The following KLHL29 variants were observed in gnomAD, a reference collection of about 807,000 sequenced individuals.
The protein encoded by KLHL29 is kelch-like protein 29.
Under a neutral mutation model 80.4 loss-of-function variants are expected in KLHL29, and 21 were observed. That is an observed-to-expected ratio of 0.26 (90% CI 0.19 to 0.38). The LOEUF (loss-of-function observed/expected upper bound fraction) is 0.38. Among genes scored for constraint, KLHL29 ranks in the 10% least tolerant of loss-of-function variants. The pLI is 1.00. For missense variants in KLHL29, 867 were observed against 1,223.9 expected (o/e 0.71, Z 4.35); for synonymous variants, 511 against 526.8 (o/e 0.97, Z 0.41).
Position 23,696,714 on chromosome 2 carries a change from G to A in KLHL29, c.2105+201G>A, listed in dbSNP as rs1305182631. The A allele has an allele frequency of 3.8e-6, 2 of 520,670 alleles. No individual in the cohort carries two copies. Among genetic ancestry groups the A allele is most frequent in the Non-Finnish European group, 6.7e-6 (2 of 298,382 alleles). 32.3% of individuals were successfully genotyped at this position (520,670 alleles called of 1,614,324 possible). ...GATACAAGCAGATGGGATGACATCT[G>A]TGTCACCTTTGCAGTCGCTGAGATG... On this transcript the variant is annotated intron_variant, in intron 11 of 13. Transcript: ENST00000486442. This position sits in a 1 kb window ranked among gnomAD's most constrained non-coding sequence, Gnocchi z 5.5.
chr2:23,657,065 G>A (rs1221027295), intron 5 of KLHL29, among the ~76,000 whole-genome samples: 2 of 152,170 alleles, frequency 1.3e-5, no homozygotes, highest in Non-Finnish European at 2.9e-5. Context: ...GGGTGGAAAT[G>A]GGGGTTTGGG....
chr2:23,541,785 A>C (rs1050825028), intron 2 of KLHL29, among the ~76,000 whole-genome samples: 82 of 151,214 alleles, frequency 5.4e-4, no homozygotes, highest in African/African-American at 8.1e-4. Flanking sequence ...AAAAAAAAAA[A>C]CCATAAAACT....
Position 23,537,794 on chromosome 2 carries a change from T to C in KLHL29, c.-45-24358T>C, listed in dbSNP as rs1262743859. Reference sequence around the variant, plus strand: ...GGGCAGCTGGCACCACCAAGTCTACTTAGGGATGGAAGGCTGGGTTCTCAA... The same window carrying C: ...GGGCAGCTGGCACCACCAAGTCTACCTAGGGATGGAAGGCTGGGTTCTCAA... On this transcript the variant is annotated intron_variant, in intron 2 of 13. Coordinates refer to ENST00000486442, the MANE Select transcript of KLHL29 (RefSeq NM_052920.2). Among the ~76,000 whole-genome samples the C allele has an allele frequency of 2.0e-5, 3 of 152,132 alleles. No homozygotes were observed. The South Asian group carries it at 6.2e-4, about 32-fold the overall frequency.
Position 23,534,068 on chromosome 2 carries a change from G to T in KLHL29, c.-45-28084G>T, listed in dbSNP as rs182858394. Among the ~76,000 whole-genome samples the T allele has an allele frequency of 1.5e-4, 23 of 152,080 alleles. No individual in the cohort carries two copies. In the East Asian group the frequency reaches 4.3e-3, roughly 28 times the overall value. ...GACCCGCCAATAGTTGAAAGTCCCC[G>T]GTTTCGGGGATGCCTTTCCAAGCAA... On this transcript the variant is annotated intron_variant, in intron 2 of 13. Coordinates refer to ENST00000486442, the MANE Select transcript of KLHL29 (RefSeq NM_052920.2).
At chr2:23,391,230 T>C (rs1240939900) in intron 1 of KLHL29, among the ~76,000 whole-genome samples, 2 of 152,220 alleles carry the variant, frequency 1.3e-5, no homozygotes, top group African/African-American at 4.8e-5. Flanking sequence ...GGGACAGGCT[T>C]TCCTTCCTTT....
chr2:23,529,129 A>G (rs552952217), intron 2 of KLHL29, among the ~76,000 whole-genome samples: 210 of 152,338 alleles, frequency 1.4e-3, no homozygotes, highest in African/African-American at 4.7e-3. Context: ...TTTTTTAGAG[A>G]CAAGTTCTTG....
rs1402853847 is a variant in KLHL29, at chr2:23,695,073, C to T, written c.1543-550C>T. Among the ~76,000 whole-genome samples the T allele has an allele frequency of 3.3e-5, 5 of 152,132 alleles. No homozygotes were observed. Among genetic ancestry groups the T allele is most frequent in the African/African-American group, 1.2e-4 (5 of 41,390 alleles). On this transcript the variant is annotated intron_variant, in intron 8 of 13. Transcript: ENST00000486442. This position sits in a 1 kb window ranked among gnomAD's most constrained non-coding sequence, Gnocchi z 7.6. ...GATTCAAGGGAGCCTGTAAAACCACCTCAGTGCAGGGTGACAGTTTGAGGC... is the reference window on the plus strand; with the variant it reads ...GATTCAAGGGAGCCTGTAAAACCACTTCAGTGCAGGGTGACAGTTTGAGGC...
intron 2 of KLHL29, among the ~76,000 whole-genome samples, chr2:23,556,555 A>C (rs1267064286): frequency 1.3e-5 from 2 of 151,776 alleles, no homozygotes; most frequent in Non-Finnish European, 2.9e-5. Context: ...CAGGAGGCTG[A>C]GGCAGGAGAA....
At chr2:23,481,630 T>G (rs964206476) in intron 2 of KLHL29, among the ~76,000 whole-genome samples, 55 of 152,280 alleles carry the variant, frequency 3.6e-4, no homozygotes, top group Middle Eastern at 6.8e-3. Flanking sequence ...AAGAGGCTGG[T>G]TTGGGCTGAG....
At chr2:23,584,929 G>GT (rs1265962330) in intron 3 of KLHL29, among the ~76,000 whole-genome samples, 1 of 152,158 alleles carries the variant, frequency 6.6e-6, no homozygotes, top group African/African-American at 2.4e-5. Context: ...TGGAGAAGGG[G>GT]TTTCGCCATG....
chr2:23,441,430 GTAAC>G (rs1203537025), intron 1 of KLHL29, among the ~76,000 whole-genome samples: 3 of 151,654 alleles, frequency 2.0e-5, no homozygotes, highest in Non-Finnish European at 4.4e-5. Context: ...GTATACATAT[GTAAC>G]TAACCTGCAC....
intron 1 of KLHL29, among the ~76,000 whole-genome samples, chr2:23,423,230 G>C (rs192451679): frequency 1.3e-5 from 2 of 152,294 alleles, no homozygotes; most frequent in South Asian, 4.1e-4. Flanking sequence ...TGGTTCTCCC[G>C]GCTGCTGTCC....
intron 3 of KLHL29, chr2:23,617,224 C>T (rs1210084145): frequency 1.3e-5 from 2 of 152,284 alleles, no homozygotes; most frequent in African/African-American, 2.4e-5. Context: ...GTTGCAGGCC[C>T]TCTTGGGATC....
At chr2:23,445,494 G>A (rs1450910038) in intron 1 of KLHL29, among the ~76,000 whole-genome samples, 3 of 152,140 alleles carry the variant, frequency 2.0e-5, no homozygotes, top group Non-Finnish European at 2.9e-5. Flanking sequence ...TGGCTACCCC[G>A]GAAGGGATTC....
chr2:23,420,781 TGAGGCC>T (rs1662776245), intron 1 of KLHL29, among the ~76,000 whole-genome samples: 1 of 152,182 alleles, frequency 6.6e-6, no homozygotes, highest in African/African-American at 2.4e-5. Context: ...ATGGCACTGC[TGAGGCC>T]CATCTGTCAG....
chr2:23,605,425 C>T (rs1203311076), intron 3 of KLHL29, among the ~76,000 whole-genome samples: 4 of 152,018 alleles, frequency 2.6e-5, no homozygotes, highest in African/African-American at 9.7e-5. Context: ...GCGACTTCCA[C>T]GCGGCTCTTG....
chr2:23,627,858 A>T (rs1553347321), intron 3 of KLHL29, among the ~76,000 whole-genome samples: 11 of 151,586 alleles, frequency 7.3e-5, no homozygotes, highest in Non-Finnish European at 1.6e-4. Context: ...TTGCAATTTT[A>T]AAAAAAACCA....
intron 1 of KLHL29, among the ~76,000 whole-genome samples, chr2:23,438,786 C>G (rs1360557287): frequency 6.6e-6 from 1 of 152,090 alleles, no homozygotes; most frequent in Non-Finnish European, 1.5e-5. Context: ...TTGGTTGTGT[C>G]TTTGCCAGGC....
chr2:23,541,862 C>T (rs1269251927), intron 2 of KLHL29, among the ~76,000 whole-genome samples: 2 of 151,798 alleles, frequency 1.3e-5, no homozygotes, highest in Non-Finnish European at 2.9e-5. Flanking sequence ...GATTGAGGCC[C>T]CAAGTCCAGA....
Sources: gnomAD v4.1 joint callset for allele counts (sites outside exome capture counted in the v4.1 genomes callset) on GRCh38, gnomAD v4.1.1 for gene constraint, Gnocchi (gnomAD v3.1) non-coding constraint, MANE v1.5 for transcripts, NCBI Gene and HGNC (gene_info 2026-07-23, HGNC 2026-07-21) for gene names.